Variants in LRIF1 observed in about 807,000 individuals in gnomAD.
LRIF1 encodes ligand dependent nuclear receptor interacting factor 1, also known as ligand-dependent nuclear receptor-interacting factor 1.
Under a neutral mutation model 52.7 loss-of-function variants are expected in LRIF1, and 32 were observed. The observed-to-expected ratio is 0.61, with a 90% CI of 0.46 to 0.82. LRIF1 has a LOEUF of 0.82. LRIF1 is among the 40% of genes least tolerant of loss of function. The probability of loss-of-function intolerance (pLI) is 0.00; values close to 1 mark genes in which losing one functional copy is unlikely to be tolerated. For synonymous variants in LRIF1, 323 were observed against 317.4 expected (o/e 1.02, Z -0.19); for missense variants, 887 against 892.0 (o/e 0.99, Z 0.07).
chr1:110,894,335 C>T, the LRIF1 span: 4 of 1,613,974 alleles, frequency 2.5e-6, no homozygotes, highest in African/African-American at 2.7e-5. Flanking sequence ...AGTTCTTCAT[C>T]CTGCTGCTGA....
chr1:110,942,395 TTC>T (rs1416655998), downstream of LRIF1: 3 of 152,238 alleles, frequency 2.0e-5, no homozygotes, highest in Admixed American at 6.5e-5. Flanking sequence ...AGGGTGAATT[TTC>T]TCTGTGTATG....
the LRIF1 span, among the ~76,000 whole-genome samples, chr1:110,905,373 G>A: frequency 1.3e-5 from 2 of 151,392 alleles, no homozygotes; most frequent in Non-Finnish European, 2.9e-5. Context: ...ACAAAGAAAG[G>A]ACTCCAAAAG....
chr1:110,949,662 C>T (rs534937720), intron 3 of LRIF1, among the ~76,000 whole-genome samples, 189 bp downstream of exon 3: 146 of 152,178 alleles, frequency 9.6e-4, no homozygotes, highest in African/African-American at 3.3e-3. Flanking sequence ...TCAGGTGATC[C>T]ACCCGCCTCA....
the LRIF1 span, among the ~76,000 whole-genome samples, chr1:110,924,432 T>C: frequency 6.6e-6 from 1 of 152,152 alleles, no homozygotes; most frequent in South Asian, 2.1e-4. Flanking sequence ...TGGGAAGACC[T>C]CAGGAAATTT....
chr1:110,919,833 G>C, the LRIF1 span, among the ~76,000 whole-genome samples: 1 of 152,092 alleles, frequency 6.6e-6, no homozygotes, highest in African/African-American at 2.4e-5. Context: ...AATAACCCAA[G>C]AACTCTTAAA....
At chr1:110,920,458 G>C in the LRIF1 span, among the ~76,000 whole-genome samples, 1 of 152,166 alleles carries the variant, frequency 6.6e-6, no homozygotes, top group Non-Finnish European at 1.5e-5. Context: ...TATGATTCCA[G>C]CTATGAGACA....
chr1:110,938,233 A>G, the LRIF1 span: 1 of 152,226 alleles, frequency 6.6e-6, no homozygotes, highest in Admixed American at 6.5e-5. Flanking sequence ...CCCTGATACC[A>G]AAACCAGACA....
At chr1:110,940,150 C>T in the LRIF1 span, 2 of 151,664 alleles carry the variant, frequency 1.3e-5, no homozygotes, top group Admixed American at 6.6e-5. Context: ...AAAAAAAAAT[C>T]TGATCAAAAA....
the LRIF1 span, among the ~76,000 whole-genome samples, chr1:110,875,182 G>A: frequency 6.6e-6 from 1 of 152,226 alleles, no homozygotes; most frequent in Non-Finnish European, 1.5e-5. Flanking sequence ...ATTCAAAGAA[G>A]TGTGTACCTC....
At chr1:110,898,238 G>A in the LRIF1 span, among the ~76,000 whole-genome samples, 2 of 151,906 alleles carry the variant, frequency 1.3e-5, no homozygotes, top group South Asian at 2.1e-4. Context: ...TTAACCAGAC[G>A]TAGTGGCAGG....
downstream of LRIF1, chr1:110,942,436 T>C (rs966964869): frequency 6.6e-6 from 1 of 152,162 alleles, no homozygotes; most frequent in Non-Finnish European, 1.5e-5. Flanking sequence ...TATTGAGTTT[T>C]TGGTCCTTTC....
At chr1:110,957,127 A>C (rs1199076473) in intron 1 of LRIF1, among the ~76,000 whole-genome samples, 1 of 151,650 alleles carries the variant, frequency 6.6e-6, no homozygotes, top group Non-Finnish European at 1.5e-5. Flanking sequence ...ACATTTCTTG[A>C]CCCTGTTTTT....
At chr1:110,881,003 A>G in the LRIF1 span, among the ~76,000 whole-genome samples, 1 of 152,230 alleles carries the variant, frequency 6.6e-6, no homozygotes, top group Non-Finnish European at 1.5e-5. Context: ...TTACCAAAGT[A>G]AGGAAGGAAG....
chr1:110,894,831 C>A, the LRIF1 span: 1 of 704,918 alleles, frequency 1.4e-6, no homozygotes, highest in South Asian at 1.6e-5. Flanking sequence ...CCTCCCCTCA[C>A]CCTTAGTTCT....
the LRIF1 span, among the ~76,000 whole-genome samples, chr1:110,926,499 T>C: frequency 0.012 from 1,883 of 152,094 alleles, 41 homozygotes; most frequent in African/African-American, 0.043. Flanking sequence ...ACACTAAAAA[T>C]ATTTTAATTA....
chr1:110,936,870 C>G, the LRIF1 span: 2 of 151,950 alleles, frequency 1.3e-5, no homozygotes, highest in Non-Finnish European at 2.9e-5. Flanking sequence ...CACATATAGA[C>G]TACAAATAAA....
the LRIF1 span, among the ~76,000 whole-genome samples, chr1:110,904,160 T>G: frequency 1.3e-5 from 2 of 152,164 alleles, no homozygotes; most frequent in African/African-American, 4.8e-5. Flanking sequence ...AGTCCCTGAC[T>G]CCCAGACAGC....
the LRIF1 span, among the ~76,000 whole-genome samples, chr1:110,880,775 T>C: frequency 6.6e-6 from 1 of 152,160 alleles, no homozygotes; most frequent in South Asian, 2.1e-4. Context: ...GCTCACATTC[T>C]AGTGAGGGAA....
rs144953926 is a variant in LRIF1 at position 110,948,990 on chromosome 1, T to A, written c.1870-591A>T. ...AAAGTAGGATGACTAGTTAAAAAGC[T>A]ATGGCCATTTTCTTGTAACATAATG... On this transcript the variant is annotated intron_variant, in intron 3 of 3. Coordinates refer to ENST00000369763, the MANE Select transcript of LRIF1 (RefSeq NM_018372.4). 6.2e-3 allele frequency among the ~76,000 whole-genome samples: 937 copies of A among 152,306 alleles called. 11 individuals carry two copies. The highest frequency in any genetic ancestry group is 0.021 in the African/African-American group (888 of 41,570).
Sources: gnomAD v4.1 joint callset for allele counts (sites outside exome capture counted in the v4.1 genomes callset) on GRCh38, gnomAD v4.1.1 for gene constraint, MANE v1.5 for transcripts, NCBI Gene and HGNC (gene_info 2026-07-23, HGNC 2026-07-21) for gene names.